The following DCT variants were observed in gnomAD, a reference collection of about 807,000 sequenced individuals.
DCT encodes dopachrome tautomerase, also known as L-dopachrome tautomerase.
DCT carries 47 observed loss-of-function variants against 53.0 expected under a neutral mutation model. The ratio of observed to expected loss-of-function variants is 0.89; its 90% CI spans 0.70 to 1.13. The LOEUF (loss-of-function observed/expected upper bound fraction) is 1.13, where lower values mean the gene tolerates loss of function less well. Among genes scored for constraint, DCT ranks in the 50% most tolerant of loss-of-function variants. The pLI, the probability that DCT is intolerant of heterozygous loss-of-function variation, is 0.00. For missense variants in DCT, 669 were observed against 637.4 expected, an observed-to-expected ratio of 1.05 and a Z score of -0.53; for synonymous variants, 244 against 237.0, an observed-to-expected ratio of 1.03 and a Z score of -0.27.
At chr13:94,467,076 G>C (rs924557182) in intron 2 of DCT, 3 of 153,224 alleles carry the variant, frequency 2.0e-5, no homozygotes, top group African/African-American at 7.2e-5. Context: ...AATTTAAAAG[G>C]GAGGGATTAA....
At chr13:94,469,815 C>T (rs1297255261) in intron 1 of DCT, among the ~76,000 whole-genome samples, 2 of 152,216 alleles carry the variant, frequency 1.3e-5, no homozygotes, top group African/African-American at 2.4e-5. Context: ...TGGCTCACGC[C>T]TGTAATCCCA....
chr13:94,485,394 T>G, the DCT span, among the ~76,000 whole-genome samples: 1 of 152,086 alleles, frequency 6.6e-6, no homozygotes, highest in African/African-American at 2.4e-5. Context: ...TTGTCCACAA[T>G]GGAGGCACCT....
the DCT span, among the ~76,000 whole-genome samples, chr13:94,516,800 T>C: frequency 7.7e-6 from 1 of 130,506 alleles, no homozygotes; most frequent in Non-Finnish European, 1.7e-5. Context: ...CCTCACCAAA[T>C]GTAGCCTCTC....
the DCT span, among the ~76,000 whole-genome samples, chr13:94,528,186 G>C: frequency 6.6e-6 from 1 of 152,178 alleles, no homozygotes; most frequent in Non-Finnish European, 1.5e-5. Context: ...AAGTGACGGG[G>C]AGAATGGAAC....
chr13:94,445,889 G>C, intron 6 of DCT: 2 of 644,638 alleles, frequency 3.1e-6, no homozygotes, highest in South Asian at 3.9e-5. Context: ...AACTGTGGGG[G>C]GGCGGGGTGA....
At chr13:94,542,223 C>G in the DCT span, among the ~76,000 whole-genome samples, 1 of 152,202 alleles carries the variant, frequency 6.6e-6, no homozygotes, top group African/African-American at 2.4e-5. Context: ...GGGTCTCACT[C>G]TGTTGCCCAG....
chr13:94,479,175 T>G lies in DCT; in HGVS notation c.81A>C (p.Arg27=), dbSNP rs1304563132. The change falls in exon 1 of 8, where the codon CGA becomes CGC. Residue 27 remains arginine (R), a synonymous_variant. Transcript: ENST00000377028. ...ILPGAQGQFP[R]VCMTVDSLVN... ...CTAGGCTGTCCACCGTCATGCAGAC[T>G]CGGGGGAACTGACCCTGGGCTCCTG... 1 of 1,612,620 alleles carries G rather than the reference T, an allele frequency of 6.2e-7. No individual in the cohort carries two copies. Among genetic ancestry groups the G allele is most frequent in the Non-Finnish European group, 8.5e-7 (1 of 1,178,750 alleles).
the DCT span, among the ~76,000 whole-genome samples, chr13:94,503,475 G>A: frequency 6.7e-6 from 1 of 148,582 alleles, no homozygotes; most frequent in Non-Finnish European, 1.5e-5. Context: ...AAGAGGAGGG[G>A]AGGGGAAAGT....
At chr13:94,496,980 T>C in the DCT span, among the ~76,000 whole-genome samples, 1 of 152,234 alleles carries the variant, frequency 6.6e-6, no homozygotes, top group South Asian at 2.1e-4. Context: ...CTAAATTGTG[T>C]CTCATAAATG....
the DCT span, among the ~76,000 whole-genome samples, chr13:94,520,471 C>T: frequency 2.6e-5 from 4 of 152,162 alleles, no homozygotes; most frequent in Non-Finnish European, 5.9e-5. Flanking sequence ...AGACAGCATC[C>T]GACCCTGCGT....
intron 6 of DCT, among the ~76,000 whole-genome samples, chr13:94,446,385 T>G (rs1882735371): frequency 1.3e-5 from 2 of 152,210 alleles, no homozygotes; most frequent in Non-Finnish European, 1.5e-5. Context: ...GGGTGGGGCC[T>G]GCAAGCACCT....
the DCT span, among the ~76,000 whole-genome samples, chr13:94,506,497 T>C: frequency 3.9e-5 from 6 of 152,130 alleles, no homozygotes; most frequent in African/African-American, 7.2e-5. Flanking sequence ...TTATAACCCA[T>C]AGAATAAAAT....
At chr13:94,526,105 C>G in the DCT span, among the ~76,000 whole-genome samples, 1 of 152,206 alleles carries the variant, frequency 6.6e-6, no homozygotes, top group African/African-American at 2.4e-5. Context: ...CTACAGCAAG[C>G]TGACAGAACT....
the DCT span, among the ~76,000 whole-genome samples, chr13:94,504,982 C>T: frequency 4.6e-5 from 7 of 151,926 alleles, no homozygotes; most frequent in Non-Finnish European, 7.4e-5. Context: ...AGAACGGAGA[C>T]GGCACTTCAT....
the DCT span, among the ~76,000 whole-genome samples, chr13:94,535,078 C>T: frequency 1.3e-5 from 2 of 152,248 alleles, no homozygotes; most frequent in African/African-American, 2.4e-5. Context: ...GCAAACATCA[C>T]TTGAAGGGAC....
chr13:94,439,963 G>T lies in DCT; in HGVS notation c.1495C>A (p.Arg499=), dbSNP rs200349922. The change falls in exon 8 of 8, where the codon CGA becomes AGA. Residue 499 remains arginine (R), a synonymous_variant. Transcript: ENST00000377028. ...TCCATTAGGGGTGTATATCCTTTTC[G>T]AAGTCTTCTATATTGAAGAAAAGCC... ...LLAFLQYRRL[R]KGYTPLMETH... The T allele has an allele frequency of 1.2e-6, 2 of 1,613,694 alleles. No homozygotes were observed. The highest frequency in any genetic ancestry group is 1.7e-6 in the Non-Finnish European group (2 of 1,179,844).
At chr13:94,544,610 T>C in the DCT span, among the ~76,000 whole-genome samples, 5 of 152,312 alleles carry the variant, frequency 3.3e-5, no homozygotes, top group Non-Finnish European at 5.9e-5. Flanking sequence ...GATGATCCAT[T>C]AGAAAAGGAA....
At position 94,479,428 on chromosome 13, in the gene DCT, G is replaced by A; in HGVS notation, c.-173C>T. 1.6e-6 allele frequency: 1 copy of A among 620,932 alleles called. No homozygotes were observed. Among genetic ancestry groups the A allele is most frequent in the Non-Finnish European group, 2.7e-6 (1 of 366,954 alleles). 38.5% of individuals were successfully genotyped at this position (620,932 alleles called of 1,614,324 possible). A position where few individuals can be genotyped will look rare whatever the true frequency, so the allele number is the denominator to read the frequency against. ...CACAAGAATCACAGAGGTTACATGT[G>A]TGCACATGTGTACATGAACGTGCAC... On this transcript the variant is annotated 5_prime_UTR_variant, in exon 1 of 8. Transcript: ENST00000377028.
At chr13:94,471,442 T>C (rs1884639835) in intron 1 of DCT, among the ~76,000 whole-genome samples, 1 of 152,194 alleles carries the variant, frequency 6.6e-6, no homozygotes, top group Non-Finnish European at 1.5e-5. Flanking sequence ...TGTTTTTGAA[T>C]AGTTTAAGTT....
Sources: gnomAD v4.1 joint callset for allele counts (sites outside exome capture counted in the v4.1 genomes callset) on GRCh38, gnomAD v4.1.1 for gene constraint, MANE v1.5 for transcripts, NCBI Gene and HGNC (gene_info 2026-07-23, HGNC 2026-07-21) for gene names.